The following TNFRSF10B variants were observed in gnomAD, a reference collection of about 807,000 sequenced individuals.
TNFRSF10B encodes tumor necrosis factor receptor superfamily member 10B.
A neutral mutation model predicts 41.4 loss-of-function variants in TNFRSF10B; 35 were observed. The observed-to-expected ratio is 0.85, with a 90% CI of 0.65 to 1.12. TNFRSF10B has a LOEUF of 1.12. TNFRSF10B is among the 50% of genes most tolerant of loss of function. TNFRSF10B has a pLI of 0.00. For synonymous variants in TNFRSF10B, 230 were observed against 215.5 expected (o/e 1.07, Z -0.59); for missense variants, 584 against 552.7 (o/e 1.06, Z -0.57).
At position 23,043,328 on chromosome 8, in the gene TNFRSF10B, C is replaced by A; in HGVS notation, c.145-85G>T. ...CCACTCACATTCTCTTGAGCCCAGG[C>A]ACCCAAGCTAAACAGAACCCTCATC... is the stretch of plus-strand genomic sequence containing the variant. On this transcript the variant is annotated intron_variant, in intron 1 of 8. Coordinates refer to ENST00000276431, the MANE Select transcript of TNFRSF10B (RefSeq NM_003842.5). 3 of 1,052,066 alleles carry A rather than the reference C, an allele frequency of 2.9e-6. No individual in the cohort carries two copies. In the Admixed American group the frequency reaches 5.9e-5, roughly 21 times the overall value. 65.2% of individuals were successfully genotyped at this position (1,052,066 alleles called of 1,614,324 possible). A position where few individuals can be genotyped will look rare whatever the true frequency, so the allele number is the denominator to read the frequency against.
chr8:23,067,943 G>T (rs1813042947), intron 1 of TNFRSF10B, among the ~76,000 whole-genome samples: 2 of 152,154 alleles, frequency 1.3e-5, no homozygotes, highest in African/African-American at 4.8e-5. Context: ...AGTTCCAGGC[G>T]CTGAGCACAC....
chr8:23,025,654 A>T (rs540966325), intron 7 of TNFRSF10B, among the ~76,000 whole-genome samples: 1 of 152,344 alleles, frequency 6.6e-6, no homozygotes, highest in South Asian at 2.1e-4. Context: ...AAGAATCACA[A>T]GAAATTATCC....
At chr8:23,046,793 A>G (rs1211199271) in intron 1 of TNFRSF10B, among the ~76,000 whole-genome samples, 1 of 152,202 alleles carries the variant, frequency 6.6e-6, no homozygotes, top group Non-Finnish European at 1.5e-5. Context: ...GAGCCTATAA[A>G]TGAATCCACA....
intron 8 of TNFRSF10B, among the ~76,000 whole-genome samples, 171 bp downstream of exon 8, chr8:23,024,017 G>A (rs1811624489): frequency 6.6e-6 from 1 of 152,106 alleles, no homozygotes; most frequent in African/African-American, 2.4e-5. Context: ...AGGTAGAGTG[G>A]GGAGAAGAGA....
rs572069403 is a variant in TNFRSF10B at position 23,021,924 on chromosome 8, T to C, written c.*747A>G. ...TGTAAACAAGTACATTTACTAAAGT[T>C]TCTTCATGTTCATAAAATAATAACA... On this transcript the variant is annotated 3_prime_UTR_variant, in exon 9 of 9. Transcript: ENST00000276431. 14 of 453,238 alleles carry C rather than the reference T, an allele frequency of 3.1e-5. 1 individual carries two copies. The highest frequency in any genetic ancestry group is 2.2e-4 in the South Asian group (14 of 64,344). 28.1% of individuals were successfully genotyped at this position (453,238 alleles called of 1,614,324 possible).
chr8:23,034,590 G>A (rs1336611631), intron 2 of TNFRSF10B, among the ~76,000 whole-genome samples: 1 of 152,200 alleles, frequency 6.6e-6, no homozygotes, highest in Non-Finnish European at 1.5e-5. Flanking sequence ...ATCCAGGTAT[G>A]ACAGTACATG....
intron 1 of TNFRSF10B, among the ~76,000 whole-genome samples, chr8:23,047,020 G>T (rs1038248721): frequency 6.6e-6 from 1 of 152,030 alleles, no homozygotes; most frequent in African/African-American, 2.4e-5. Flanking sequence ...AAACACAGGG[G>T]CTAAAACTAC....
chr8:23,060,275 C>T (rs1812795333), intron 1 of TNFRSF10B, among the ~76,000 whole-genome samples: 1 of 152,182 alleles, frequency 6.6e-6, no homozygotes, highest in Admixed American at 6.5e-5. Flanking sequence ...AGCTTTAGCA[C>T]TTACATTTAC....
At chr8:23,044,260 G>C (rs1385238537) in intron 1 of TNFRSF10B, among the ~76,000 whole-genome samples, 1 of 152,122 alleles carries the variant, frequency 6.6e-6, no homozygotes, top group African/African-American at 2.4e-5. Context: ...CTTGGATTTG[G>C]CAATGATTTC....
At chr8:23,041,790 G>A (rs570057521) in intron 2 of TNFRSF10B, among the ~76,000 whole-genome samples, 2 of 152,036 alleles carry the variant, frequency 1.3e-5, no homozygotes, top group Non-Finnish European at 2.9e-5. Flanking sequence ...CCTGTGGCTG[G>A]AAGGGCCATC....
intron 2 of TNFRSF10B, among the ~76,000 whole-genome samples, chr8:23,037,101 C>T (rs773168281): frequency 6.6e-6 from 1 of 152,088 alleles, no homozygotes; most frequent in Non-Finnish European, 1.5e-5. Flanking sequence ...AATATCTTCA[C>T]AAAAAGTGAT....
At chr8:23,028,737 T>G in intron 4 of TNFRSF10B, 135 bp from the exon 5 acceptor site, 3 of 1,094,022 alleles carry the variant, frequency 2.7e-6, no homozygotes, top group East Asian at 2.4e-5. Context: ...GTGTCAGCAG[T>G]GGGTCCCCCT....
intron 2 of TNFRSF10B, among the ~76,000 whole-genome samples, chr8:23,040,334 A>G (rs55975051): frequency 2.0e-5 from 1 of 50,066 alleles, no homozygotes; most frequent in Non-Finnish European, 5.6e-5. Flanking sequence ...TACAAAATAT[A>G]TATTTATTAA....
At chr8:23,028,234 G>A in intron 5 of TNFRSF10B, 97 bp downstream of exon 5, 1 of 1,563,452 alleles carries the variant, frequency 6.4e-7, no homozygotes, top group Non-Finnish European at 8.8e-7. Flanking sequence ...GAGGCACTTA[G>A]ACTTGGGGCA....
intron 7 of TNFRSF10B, 43 bp from the exon 8 acceptor site, chr8:23,024,303 C>G: frequency 6.2e-7 from 1 of 1,611,000 alleles, no homozygotes; most frequent in Non-Finnish European, 8.5e-7. Context: ...AGCCAGGAGT[C>G]CTACAGTCCA....
At position 23,068,857 on chromosome 8, in the gene TNFRSF10B, C is replaced by A; in HGVS notation, c.38G>T (p.Gly13Val). ...QRGQNAPAASGARKRHGPGPR... is the reference protein window; with the variant it reads ...QRGQNAPAASVARKRHGPGPR... ...TCCTGGGCCGTGCCTTTTCCGGGCC[C>A]CCGAAGCGGCCGGGGCGTTCTGTCC... The change falls in exon 1 of 9, where the codon GGG becomes GTG. Residue 13 changes from glycine (G) to valine (V), a missense_variant. By Grantham distance (109) the Gly-to-Val change is moderately radical. Coordinates refer to ENST00000276431, the MANE Select transcript of TNFRSF10B (RefSeq NM_003842.5). 1 of 1,613,452 alleles carries A rather than the reference C, an allele frequency of 6.2e-7. No homozygotes were observed. Among genetic ancestry groups the A allele is most frequent in the Non-Finnish European group, 8.5e-7 (1 of 1,179,952 alleles).
intron 2 of TNFRSF10B, among the ~76,000 whole-genome samples, chr8:23,036,356 C>T (rs1812029570): frequency 6.6e-6 from 1 of 152,202 alleles, no homozygotes; most frequent in Non-Finnish European, 1.5e-5. Flanking sequence ...GGCCCAAGTG[C>T]CCATGATCCC....
chr8:23,061,374 GAAC>G (rs1447443013), intron 1 of TNFRSF10B, among the ~76,000 whole-genome samples: 1 of 152,058 alleles, frequency 6.6e-6, no homozygotes, highest in African/African-American at 2.4e-5. Context: ...GTCTTTTACT[GAAC>G]AACAATAAAT....
chr8:23,024,147 T>A (rs763845298), intron 8 of TNFRSF10B, 41 bp downstream of exon 8: 5 of 1,613,074 alleles, frequency 3.1e-6, no homozygotes, highest in South Asian at 2.2e-5. Context: ...CTGTCCCTAT[T>A]CCCTCCATTC....
Sources: gnomAD v4.1 joint callset for allele counts (sites outside exome capture counted in the v4.1 genomes callset) on GRCh38, gnomAD v4.1.1 for gene constraint, MANE v1.5 for transcripts, NCBI Gene and HGNC (gene_info 2026-07-23, HGNC 2026-07-21) for gene names.